Variants in CSMD1 observed in about 807,000 individuals in gnomAD.
CSMD1 encodes CUB and sushi domain-containing protein 1.
Under a neutral mutation model 417.5 loss-of-function variants are expected in CSMD1, and 213 were observed. The ratio of observed to expected loss-of-function variants is 0.51; its 90% CI spans 0.46 to 0.57. The LOEUF (loss-of-function observed/expected upper bound fraction) is 0.57. CSMD1 is among the 20% of genes least tolerant of loss of function. CSMD1 has a pLI of 0.00. For synonymous variants in CSMD1, 2,862 were observed against 1,736.8 expected, an observed-to-expected ratio of 1.65 and a Z score of -16.11; for missense variants, 6,923 against 4,529.7, an observed-to-expected ratio of 1.53 and a Z score of -15.17.
chr8:4,421,242 G>A (rs577704811), intron 2 of CSMD1, among the ~76,000 whole-genome samples: 1 of 151,882 alleles, frequency 6.6e-6, no homozygotes, highest in African/African-American at 2.4e-5. Flanking sequence ...CTTTAAGAAA[G>A]GAAAAACAAA....
intron 52 of CSMD1, among the ~76,000 whole-genome samples, chr8:3,018,035 A>C (rs1809007158): frequency 1.3e-5 from 2 of 152,282 alleles, no homozygotes; most frequent in Middle Eastern, 3.4e-3. Flanking sequence ...GAATATTTTA[A>C]GTTTTTGAAA....
At chr8:4,124,115 T>G (rs1420952631) in intron 3 of CSMD1, among the ~76,000 whole-genome samples, 1 of 152,148 alleles carries the variant, frequency 6.6e-6, no homozygotes, top group Non-Finnish European at 1.5e-5. Flanking sequence ...GAAAAACTAT[T>G]TTCTGCAAGA....
chr8:4,197,201 C>T (rs1799387048), intron 3 of CSMD1, among the ~76,000 whole-genome samples: 1 of 152,112 alleles, frequency 6.6e-6, no homozygotes, highest in Admixed American at 6.6e-5. Flanking sequence ...CTAGCATTTT[C>T]CAGTAAGAGC....
intron 3 of CSMD1, among the ~76,000 whole-genome samples, chr8:4,032,422 A>G (rs1797395909): frequency 6.7e-6 from 1 of 149,376 alleles, no homozygotes; most frequent in African/African-American, 2.4e-5. Flanking sequence ...TTACTCCTAT[A>G]GTGAGCAACC....
At chr8:4,446,998 A>G (rs1002990398) in intron 2 of CSMD1, among the ~76,000 whole-genome samples, 2 of 151,834 alleles carry the variant, frequency 1.3e-5, no homozygotes, top group African/African-American at 2.4e-5. Flanking sequence ...GAGTGGTAAG[A>G]AACTGTTGCA....
At chr8:4,878,295 C>T (rs886591944) in intron 1 of CSMD1, among the ~76,000 whole-genome samples, 9 of 152,078 alleles carry the variant, frequency 5.9e-5, no homozygotes, top group East Asian at 5.8e-4. Flanking sequence ...CTTAACACAA[C>T]GCGAGGCAAT....
At chr8:3,610,740 C>T (rs1189549925) in intron 8 of CSMD1, among the ~76,000 whole-genome samples, 1 of 151,994 alleles carries the variant, frequency 6.6e-6, no homozygotes, top group Non-Finnish European at 1.5e-5. Context: ...TTTTTATGCT[C>T]AGTAGAATTG....
chr8:4,726,713 C>A (rs1201229488), intron 1 of CSMD1, among the ~76,000 whole-genome samples: 3 of 152,204 alleles, frequency 2.0e-5, no homozygotes, highest in Admixed American at 6.5e-5. Flanking sequence ...TATTCATTCT[C>A]CTTCTGGAAC....
intron 1 of CSMD1, among the ~76,000 whole-genome samples, chr8:4,832,286 G>A (rs1269966961): frequency 1.3e-5 from 2 of 152,148 alleles, no homozygotes; most frequent in Non-Finnish European, 2.9e-5. Flanking sequence ...TTCCTGAGAT[G>A]TTCAGTCCTT....
In CSMD1 at chr8:4,505,300, A is replaced by G. The variant is rs187309758; in HGVS notation, c.303-85235T>C. 7.1e-4 allele frequency among the ~76,000 whole-genome samples: 108 copies of G among 152,328 alleles called. 1 individual carries two copies. The East Asian group carries it at 0.019, about 27-fold the overall frequency. The stretch of plus-strand genomic sequence containing the variant: ...TCTTTAGAACAGAGGAAAATCACCA[A>G]CGAGGTAAAAGAGAAACAGAAAACT... On this transcript the variant is annotated intron_variant, in intron 2 of 69. Transcript: ENST00000635120.
At chr8:4,600,131 T>A (rs1240859679) in intron 2 of CSMD1, among the ~76,000 whole-genome samples, 1 of 152,182 alleles carries the variant, frequency 6.6e-6, no homozygotes, top group African/African-American at 2.4e-5. Context: ...TCTCAGCACT[T>A]ATTGCCTAGC....
chr8:4,718,912 A>T (rs184984010), intron 1 of CSMD1, among the ~76,000 whole-genome samples: 1 of 152,298 alleles, frequency 6.6e-6, no homozygotes, highest in African/African-American at 2.4e-5. Flanking sequence ...ACATTGTATT[A>T]AAAAATGAGA....
intron 3 of CSMD1, among the ~76,000 whole-genome samples, chr8:4,086,284 G>A (rs2912283): frequency 1.2e-4 from 18 of 152,204 alleles, no homozygotes; most frequent in Non-Finnish European, 2.2e-4. Context: ...GGACTTACTC[G>A]AGGCCACAAA....
intron 5 of CSMD1, among the ~76,000 whole-genome samples, chr8:3,756,857 G>T (rs1797688053): frequency 6.6e-6 from 1 of 152,026 alleles, no homozygotes; most frequent in Admixed American, 6.6e-5. Flanking sequence ...GTGCAGTGGT[G>T]CAATCACAGC....
intron 33 of CSMD1, among the ~76,000 whole-genome samples, chr8:3,198,415 G>A (rs930627852): frequency 6.6e-6 from 1 of 152,200 alleles, no homozygotes; most frequent in African/African-American, 2.4e-5. Context: ...AGTAGTAAGA[G>A]ACGGGTTGTT....
chr8:3,521,316 T>C (rs74635539), intron 10 of CSMD1, among the ~76,000 whole-genome samples: 2,239 of 152,270 alleles, frequency 0.015, 26 homozygotes, highest in Non-Finnish European at 0.021. Context: ...TCTCTCAAAT[T>C]CACATGTCTT....
rs563595924 is a variant in CSMD1 at position 2,938,390 on chromosome 8, G to A, written c.*195C>T. On this transcript the variant is annotated 3_prime_UTR_variant, in exon 70 of 70. Transcript: ENST00000635120. ...TAGAACCCACTTTTGGAATGAAAAC[G>A]CATGTGTAGTTTGATCCGTAGAAGA... is the stretch of plus-strand genomic sequence containing the variant. The A allele has an allele frequency of 7.9e-6, 4 of 509,100 alleles. No homozygotes were observed. Among genetic ancestry groups the A allele is most frequent in the South Asian group, 3.9e-5 (1 of 25,418 alleles). 31.5% of individuals were successfully genotyped at this position (509,100 alleles called of 1,614,324 possible).
intron 1 of CSMD1, among the ~76,000 whole-genome samples, chr8:4,800,390 A>G (rs1273978337): frequency 1.3e-5 from 2 of 150,974 alleles, no homozygotes; most frequent in East Asian, 3.9e-4. Context: ...GAGATCAGAG[A>G]TCACGCCACT....
At chr8:4,036,734 G>T (rs112785263) in intron 3 of CSMD1, among the ~76,000 whole-genome samples, 1 of 152,182 alleles carries the variant, frequency 6.6e-6, no homozygotes, top group African/African-American at 2.4e-5. Context: ...TGCAGTTGCA[G>T]GCTTTTATTT....
Sources: allele counts gnomAD v4.1 joint callset (sites outside exome capture counted in the v4.1 genomes callset), GRCh38; gene constraint gnomAD v4.1.1; transcripts MANE v1.5; gene names NCBI Gene and HGNC (gene_info 2026-07-23, HGNC 2026-07-21).